The following KARS1 variants were observed in gnomAD, a reference collection of about 807,000 sequenced individuals.
KARS1 encodes the protein lysine--tRNA ligase.
Under a neutral mutation model 63.9 loss-of-function variants are expected in KARS1, and 50 were observed. That is an observed-to-expected ratio of 0.78 (90% confidence interval 0.62 to 0.99). The LOEUF is 0.99. KARS1 is among the 50% of genes least tolerant of loss of function. The probability of loss-of-function intolerance (pLI) is 0.00; values close to 1 mark genes in which losing one functional copy is unlikely to be tolerated. For missense variants in KARS1, 816 were observed against 754.5 expected (o/e 1.08, Z -0.95); for synonymous variants, 320 against 264.6 (o/e 1.21, Z -2.03).
At chr16:75,628,131 G>T in intron 13 of KARS1, 138 bp from the exon 14 acceptor site, 1 of 709,166 alleles carries the variant, frequency 1.4e-6, no homozygotes, top group South Asian at 1.5e-5. Context: ...AGGCTCATGT[G>T]TTCTTTTATT....
At chr16:75,637,622 A>AT (rs1454720534) in intron 3 of KARS1, among the ~76,000 whole-genome samples, 1 of 152,040 alleles carries the variant, frequency 6.6e-6, no homozygotes. Context: ...CTAAAAAAAA[A>AT]TACAGAATTA....
intron 4 of KARS1, 50 bp downstream of exon 4, chr16:75,636,404 G>T: frequency 8.7e-7 from 1 of 1,147,388 alleles, no homozygotes; most frequent in Non-Finnish European, 1.3e-6. Flanking sequence ...CTATTGCTGT[G>T]TTGCTCTAGG....
chr16:75,634,427 G>C (rs4888442), intron 6 of KARS1, 135 bp from the exon 7 acceptor site: 2 of 871,194 alleles, frequency 2.3e-6, no homozygotes, highest in Middle Eastern at 3.3e-4. Context: ...TAATGTGCAA[G>C]TGCTTGACAA....
intron 10 of KARS1, among the ~76,000 whole-genome samples, chr16:75,630,767 G>C (rs1003035734): frequency 6.6e-6 from 1 of 151,732 alleles, no homozygotes; most frequent in Non-Finnish European, 1.5e-5. Flanking sequence ...CCTGAATAGC[G>C]GGGATTACAG....
At chr16:75,636,181 T>A in intron 4 of KARS1, 83 bp from the exon 5 acceptor site, 1 of 863,048 alleles carries the variant, frequency 1.2e-6, no homozygotes, top group Non-Finnish European at 1.9e-6. Flanking sequence ...CTCACTCAAC[T>A]GTTAATACCT....
At chr16:75,642,706 C>G (rs1002710056) in intron 1 of KARS1, 2 of 152,210 alleles carry the variant, frequency 1.3e-5, no homozygotes, top group Non-Finnish European at 2.9e-5. Flanking sequence ...ACTTAGACAA[C>G]AAAATAGAAC....
chr16:75,630,679 A>T (rs2082102169), intron 10 of KARS1, among the ~76,000 whole-genome samples, 171 bp from the exon 11 acceptor site: 1 of 152,016 alleles, frequency 6.6e-6, no homozygotes, highest in Admixed American at 6.6e-5. Flanking sequence ...TCTGTCGCCC[A>T]GGCTGGAGTG....
rs1420755753 is a variant in KARS1, at chr16:75,631,239, G to T, written c.1267C>A (p.Leu423Ile). The T allele has an allele frequency of 3.7e-6, 6 of 1,614,064 alleles. No homozygotes were observed. The highest frequency in any genetic ancestry group is 1.3e-5 in the African/African-American group (1 of 75,064). ...GCTTTTGCCACACAGATATCATCAA[G>T]AATTTTGCGAGTTTCTGGGACACAA... ...LFETEETRKI[L>I]DDICVAKAVE... The change falls in exon 10 of 14, where the codon CTT (leucine) becomes ATT (isoleucine). Residue 423 changes from leucine to isoleucine, a missense_variant. Coordinates refer to ENST00000302445, the MANE Select transcript of KARS1 (RefSeq NM_005548.3).
At chr16:75,633,971 T>G (rs1368262723) in intron 7 of KARS1, 2 of 626,472 alleles carry the variant, frequency 3.2e-6, no homozygotes, top group African/African-American at 1.8e-5. Context: ...GACAACCCCT[T>G]TGGTCTCTGC....
At chr16:75,634,768 G>C (rs2082146194) in intron 6 of KARS1, among the ~76,000 whole-genome samples, 1 of 152,084 alleles carries the variant, frequency 6.6e-6, no homozygotes, top group East Asian at 1.9e-4. Flanking sequence ...GTAGAGACAG[G>C]GTTTCACTGT....
At chr16:75,646,632 G>A (rs1437263337) in intron 1 of KARS1, among the ~76,000 whole-genome samples, 4 of 152,026 alleles carry the variant, frequency 2.6e-5, no homozygotes, top group East Asian at 1.9e-4. Flanking sequence ...CGATGGAGAA[G>A]GGCTCGCTCA....
chr16:75,644,501 G>C (rs1414506843), intron 1 of KARS1: 1 of 1,474,640 alleles, frequency 6.8e-7, no homozygotes, highest in African/African-American at 1.4e-5. Context: ...AGATGGGACA[G>C]ACAGTATACA....
At position 75,630,768 on chromosome 16, in the gene KARS1, G is replaced by C. The variant is rs16941282; in HGVS notation, c.1339-260C>G. 1.3e-4 allele frequency among the ~76,000 whole-genome samples: 20 copies of C among 152,070 alleles called. 1 individual carries two copies. The East Asian group carries it at 3.9e-3, about 29-fold the overall frequency. ...TCGTGCCTCAGCCTCCTGAATAGCG[G>C]GGATTACAGGTGCCCGCCACCATAC... is the stretch of plus-strand genomic sequence containing the variant. On this transcript the variant is annotated intron_variant, in intron 10 of 13. Coordinates refer to ENST00000302445, the MANE Select transcript of KARS1 (RefSeq NM_005548.3).
At chr16:75,630,871 G>A (rs1374959092) in intron 10 of KARS1, among the ~76,000 whole-genome samples, 1 of 152,132 alleles carries the variant, frequency 6.6e-6, no homozygotes, top group African/African-American at 2.4e-5. Flanking sequence ...CTGACCTCAG[G>A]TGATTCATCT....
At chr16:75,634,318 G>C (rs372373278) in intron 6 of KARS1, 26 bp from the exon 7 acceptor site, 1 of 1,612,660 alleles carries the variant, frequency 6.2e-7, no homozygotes, top group African/African-American at 1.3e-5. Context: ...AGAAACATCA[G>C]TCCTTAGATA....
chr16:75,632,898 G>A (rs542941364), intron 7 of KARS1, among the ~76,000 whole-genome samples: 1 of 152,306 alleles, frequency 6.6e-6, no homozygotes, highest in African/African-American at 2.4e-5. Flanking sequence ...ACAGGCTGAA[G>A]GCAGCCAGTT....
Position 75,640,212 on chromosome 16 carries a change from G to C in KARS1, c.360C>G (p.His120Gln), listed in dbSNP as rs149741323. The stretch of plus-strand genomic sequence containing the variant: ...CCACCTTTAAGGTGATGTCAGTCAG[G>C]TGATCCCCAGGCTGCAGGTGACTAT... The part of the protein sequence containing the change: ...QKYSHLQPGD[H>Q]LTDITLKVAG... Residue 120 changes from histidine to glutamine, a missense_variant, in exon 3 of 14, where the codon CAC becomes CAG. His to Gln is a conservative substitution (Grantham distance 24, BLOSUM62 0). Transcript: ENST00000302445. The C allele has an allele frequency of 1.2e-6, 2 of 1,614,128 alleles. No homozygotes were observed. Among genetic ancestry groups the C allele is most frequent in the African/African-American group, 2.7e-5 (2 of 75,032 alleles).
intron 2 of KARS1, among the ~76,000 whole-genome samples, chr16:75,641,139 G>C (rs2082219452): frequency 6.6e-6 from 1 of 152,042 alleles, no homozygotes; most frequent in East Asian, 1.9e-4. Context: ...ACTCCAGCCT[G>C]GGTGACAGAA....
chr16:75,630,350 A>C, intron 11 of KARS1, 73 bp downstream of exon 11: 1 of 1,008,726 alleles, frequency 9.9e-7, no homozygotes. Flanking sequence ...CAAACCACAA[A>C]ATCTTGACAA....
Sources: gnomAD v4.1 joint callset for allele counts (sites outside exome capture counted in the v4.1 genomes callset) on GRCh38, gnomAD v4.1.1 for gene constraint, MANE v1.5 for transcripts, NCBI Gene and HGNC (gene_info 2026-07-23, HGNC 2026-07-21) for gene names.